UBE3D: variants seen among roughly 807,000 people sequenced by gnomAD.
UBE3D encodes the protein ubiquitin protein ligase E3D, also known as E3 ubiquitin-protein ligase E3D.
In UBE3D, 48 loss-of-function variants were observed where a neutral mutation model predicts 49.6. The ratio of observed to expected loss-of-function variants is 0.97; its 90% CI spans 0.77 to 1.23. The LOEUF is 1.23. UBE3D is among the 50% of genes most tolerant of loss of function. UBE3D has a pLI of 0.00. For missense variants in UBE3D, 452 were observed against 468.4 expected (o/e 0.96, Z 0.32); for synonymous variants, 189 against 174.2 (o/e 1.08, Z -0.67).
At chr6:82,883,862 T>G in the UBE3D span, among the ~76,000 whole-genome samples, 1 of 152,174 alleles carries the variant, frequency 6.6e-6, no homozygotes, top group African/African-American at 2.4e-5. Flanking sequence ...AAAAAAGTAA[T>G]TAAATTTTAG....
intron 5 of UBE3D, among the ~76,000 whole-genome samples, chr6:83,030,411 C>G (rs112127105): frequency 0.031 from 4,750 of 152,190 alleles, 109 homozygotes; most frequent in Admixed American, 0.064. Flanking sequence ...AAAGACAGTT[C>G]CCCTGCACAA....
intron 9 of UBE3D, among the ~76,000 whole-genome samples, chr6:82,899,062 G>A (rs981174845): frequency 6.6e-6 from 1 of 151,958 alleles, no homozygotes; most frequent in Non-Finnish European, 1.5e-5. Context: ...GGAGAAACAA[G>A]ACTATTTTTG....
At chr6:82,911,024 T>C (rs905645231) in intron 9 of UBE3D, among the ~76,000 whole-genome samples, 1 of 152,026 alleles carries the variant, frequency 6.6e-6, no homozygotes, top group Non-Finnish European at 1.5e-5. Context: ...AAGACAAATA[T>C]AGACACCACA....
At chr6:82,927,887 G>C (rs529234508) in intron 9 of UBE3D, among the ~76,000 whole-genome samples, 6 of 151,912 alleles carry the variant, frequency 3.9e-5, no homozygotes, top group South Asian at 2.1e-4. Context: ...CAGTAGTTGT[G>C]GGGGGAGGAA....
chr6:82,939,760 GT>G (rs1238614056), intron 9 of UBE3D, among the ~76,000 whole-genome samples: 1 of 152,040 alleles, frequency 6.6e-6, no homozygotes, highest in Non-Finnish European at 1.5e-5. Context: ...CTCATGACAT[GT>G]TTCTCAGAAT....
At chr6:83,064,638 C>A (rs1400172038) in intron 1 of UBE3D, among the ~76,000 whole-genome samples, 1 of 151,894 alleles carries the variant, frequency 6.6e-6, no homozygotes, top group Non-Finnish European at 1.5e-5. Context: ...GGTTTGGGTT[C>A]CTAATTACTC....
At chr6:83,024,088 T>G in intron 5 of UBE3D, 50 bp from the exon 6 acceptor site, 1 of 1,046,294 alleles carries the variant, frequency 9.6e-7, no homozygotes, top group East Asian at 2.6e-5. Flanking sequence ...CTAATAATTT[T>G]ATTGTGGGCA....
chr6:82,965,563 A>G (rs1450754344), intron 8 of UBE3D, among the ~76,000 whole-genome samples: 1 of 147,740 alleles, frequency 6.8e-6, no homozygotes, highest in East Asian at 2.0e-4. Flanking sequence ...AGCCTGGACA[A>G]CAAGAGCGAA....
chr6:82,927,533 A>T (rs1773845048), intron 9 of UBE3D, among the ~76,000 whole-genome samples: 1 of 151,852 alleles, frequency 6.6e-6, no homozygotes, highest in South Asian at 2.1e-4. Context: ...TAGTTCTTTG[A>T]TTTCTTTCAT....
chr6:83,012,566 G>T (rs1780417666), intron 8 of UBE3D, among the ~76,000 whole-genome samples: 1 of 152,162 alleles, frequency 6.6e-6, no homozygotes, highest in South Asian at 2.1e-4. Flanking sequence ...CTATCCACTT[G>T]ATTATTAAAA....
intron 8 of UBE3D, among the ~76,000 whole-genome samples, chr6:82,995,834 A>C (rs1400276459): frequency 6.6e-6 from 1 of 152,166 alleles, no homozygotes; most frequent in African/African-American, 2.4e-5. Flanking sequence ...CGGGAGGCCA[A>C]GGCGGGTGGA....
At chr6:82,917,027 GA>G (rs1194150847) in intron 9 of UBE3D, among the ~76,000 whole-genome samples, 1 of 152,056 alleles carries the variant, frequency 6.6e-6, no homozygotes, top group Non-Finnish European at 1.5e-5. Flanking sequence ...AAAACCAAAG[GA>G]AAAGCTAAGG....
intron 9 of UBE3D, among the ~76,000 whole-genome samples, chr6:82,897,316 C>T (rs6901063): frequency 0.17 from 26,239 of 151,986 alleles, 3,741 homozygotes; most frequent in African/African-American, 0.39. Flanking sequence ...CTTGGCCAGG[C>T]GCGGTGGCTC....
intron 9 of UBE3D, among the ~76,000 whole-genome samples, chr6:82,905,419 A>G (rs1772029054): frequency 6.6e-6 from 1 of 152,138 alleles, no homozygotes; most frequent in Non-Finnish European, 1.5e-5. Context: ...TCATGCCCAT[A>G]TATAGCCACA....
At position 82,892,900 on chromosome 6, in the gene UBE3D, C is replaced by T. The variant is rs1771038769; in HGVS notation, c.*122G>A. 1 of 1,140,808 alleles carries T rather than the reference C, an allele frequency of 8.8e-7. No individual in the cohort carries two copies. Among genetic ancestry groups the T allele is most frequent in the African/African-American group, 1.5e-5 (1 of 65,726 alleles). The allele number at this position is 1,140,808 out of a possible 1,614,324, so 70.7% of individuals were successfully genotyped here. On this transcript the variant is annotated 3_prime_UTR_variant, in exon 10 of 10. Coordinates refer to ENST00000369747, the MANE Select transcript of UBE3D (RefSeq NM_198920.3). ...GTAAACTTAAAACTTCAATGCAATG[C>T]TCTTATCCCATAGCTCTGGTTCTTG...
rs7769653 is a variant in UBE3D, at chr6:82,971,371, G to A, written c.1011-13921C>T. Among the ~76,000 whole-genome samples the A allele has an allele frequency of 6.8e-3, 1,033 of 151,940 alleles. 14 individuals carry two copies. The highest frequency in any genetic ancestry group is 0.024 in the African/African-American group (976 of 41,400). ...CCTAAGTAAGTGGCAGTCAAAGTATGTGGGTTGAGACATAATAAATTAGGT... is the reference window on the plus strand; with the variant it reads ...CCTAAGTAAGTGGCAGTCAAAGTATATGGGTTGAGACATAATAAATTAGGT... On this transcript the variant is annotated intron_variant, in intron 8 of 9. Transcript: ENST00000369747.
chr6:82,901,417 C>T (rs554576493), intron 9 of UBE3D, among the ~76,000 whole-genome samples: 12 of 152,150 alleles, frequency 7.9e-5, no homozygotes, highest in Non-Finnish European at 1.5e-4. Context: ...TTGCTGGCCT[C>T]ATTTGAGAAC....
the UBE3D span, among the ~76,000 whole-genome samples, chr6:82,884,572 A>C: frequency 6.6e-6 from 1 of 152,150 alleles, no homozygotes; most frequent in African/African-American, 2.4e-5. Flanking sequence ...CTCCATACAC[A>C]CAGGTTACTC....
chr6:82,881,176 C>T, the UBE3D span, among the ~76,000 whole-genome samples: 1 of 152,186 alleles, frequency 6.6e-6, no homozygotes, highest in African/African-American at 2.4e-5. Context: ...GAGAATCCTG[C>T]ATGTATGAGG....
Sources: gnomAD v4.1 joint callset for allele counts (sites outside exome capture counted in the v4.1 genomes callset) on GRCh38, gnomAD v4.1.1 for gene constraint, MANE v1.5 for transcripts, NCBI Gene and HGNC (gene_info 2026-07-23, HGNC 2026-07-21) for gene names.